MORC2: variants seen among roughly 807,000 people sequenced by gnomAD.
MORC2 encodes the protein ATPase MORC2.
Under a neutral mutation model 136.0 loss-of-function variants are expected in MORC2, and 30 were observed. The observed-to-expected ratio is 0.22, with a 90% CI of 0.17 to 0.30. MORC2 has a LOEUF of 0.30. Ranked by LOEUF, MORC2 falls within the 10% of genes least tolerant of loss-of-function variation. MORC2 has a pLI of 1.00. For missense variants in MORC2, 922 were observed against 1,333.1 expected, an observed-to-expected ratio of 0.69 and a Z score of 4.80; for synonymous variants, 439 against 487.0, an observed-to-expected ratio of 0.90 and a Z score of 1.30.
intron 1 of MORC2, among the ~76,000 whole-genome samples, chr22:30,962,124 G>A (rs2041055551): frequency 6.6e-6 from 1 of 151,842 alleles, no homozygotes; most frequent in Non-Finnish European, 1.5e-5. Context: ...CTTGAACCCG[G>A]GAGGTAGAGG....
At chr22:30,956,685 C>T (rs1048869955) in intron 3 of MORC2, 78 bp downstream of exon 3, 1 of 1,184,132 alleles carries the variant, frequency 8.4e-7, no homozygotes, top group Non-Finnish European at 1.2e-6. Context: ...CCAGTTATTT[C>T]CCACTCAATT....
chr22:30,928,250 G>C, intron 24 of MORC2, 43 bp from the exon 25 acceptor site: 1 of 1,607,394 alleles, frequency 6.2e-7, no homozygotes, highest in Non-Finnish European at 8.5e-7. Context: ...AAGTTCACAG[G>C]GGTCCCCAGG....
At position 30,941,685 on chromosome 22, in the gene MORC2, A is replaced by C; in HGVS notation, c.699-127T>G. ...GTACTGACTTCTGCTGCTGCCCTGA[A>C]CTGGTGCTCCCTTAGTGTGAGCACC... On this transcript the variant is annotated intron_variant, in intron 8 of 25. Transcript: ENST00000397641. This position sits in a 1 kb window ranked among gnomAD's most constrained non-coding sequence, Gnocchi z 4.6. The C allele has an allele frequency of 7.3e-7, 1 of 1,366,228 alleles. No individual in the cohort carries two copies. Among genetic ancestry groups the C allele is most frequent in the African/African-American group, 1.4e-5 (1 of 69,506 alleles). 84.6% of individuals were successfully genotyped at this position (1,366,228 alleles called of 1,614,324 possible).
chr22:30,966,742 C>A (rs957029652), intron 1 of MORC2, among the ~76,000 whole-genome samples: 1 of 152,140 alleles, frequency 6.6e-6, no homozygotes, highest in African/African-American at 2.4e-5. Flanking sequence ...TGCGCCACCC[C>A]ACTCTAGCCT....
At chr22:30,959,645 A>C (rs1476245425) in intron 1 of MORC2, among the ~76,000 whole-genome samples, 2 of 152,232 alleles carry the variant, frequency 1.3e-5, no homozygotes. Context: ...CACCTAAAAA[A>C]AAAACACTTG....
Position 30,937,935 on chromosome 22 carries a change from G to A in MORC2, c.1249C>T (p.Pro417Ser). Residue 417 changes from proline to serine, a missense_variant, in exon 14 of 26, where the codon CCC becomes TCC. By Grantham distance (74) the Pro-to-Ser change is moderately conservative. This residue lies in a region of MORC2 where 16 missense variants were observed against 75.6 expected (regional missense o/e 0.21). Transcript: ENST00000397641. This position sits in a 1 kb window ranked among gnomAD's most constrained non-coding sequence, Gnocchi z 4.7. ...CGGVVGVVDV[P>S]YLVLEPTHNK... ...TGTGTAGGCTCCAGGACCAGGTAGG[G>A]CACATCAACAACCCCAACAACCCCG... 6.2e-7 allele frequency: 1 copy of A among 1,613,946 alleles called. No individual in the cohort carries two copies. Among genetic ancestry groups the A allele is most frequent in the Non-Finnish European group, 8.5e-7 (1 of 1,179,976 alleles).
At chr22:30,940,717 G>A in intron 10 of MORC2, 41 bp downstream of exon 10, 2 of 1,578,376 alleles carry the variant, frequency 1.3e-6, no homozygotes, top group Non-Finnish European at 1.7e-6. Flanking sequence ...GCATACCCCA[G>A]ATGCACACCC....
chr22:30,937,857 T>A lies in MORC2; in HGVS notation c.1327A>T (p.Met443Leu). ...CAATACTGCGCCAGGTGCTCCCCCATTGCTCGGAGCAGGTGCCGGTACTCC... is the reference window on the plus strand; with the variant it reads ...CAATACTGCGCCAGGTGCTCCCCCAATGCTCGGAGCAGGTGCCGGTACTCC... ...AKEYRHLLRAMGEHLAQYWKD... is the reference protein window; with the variant it reads ...AKEYRHLLRALGEHLAQYWKD... The change falls in exon 14 of 26, where the codon ATG becomes TTG. Residue 443 changes from methionine (M) to leucine (L), a missense_variant. Physicochemically the swap from Met to Leu is conservative, Grantham distance 15. Transcript: ENST00000397641. The surrounding 1 kb of genome is among the most constrained non-coding windows in gnomAD (Gnocchi z 4.7). 1 of 1,614,134 alleles carries A rather than the reference T, an allele frequency of 6.2e-7. No individual in the cohort carries two copies. The highest frequency in any genetic ancestry group is 8.5e-7 in the Non-Finnish European group (1 of 1,180,024).
At chr22:30,946,479 C>A (rs373970842) in intron 5 of MORC2, 30 bp from the exon 6 acceptor site, 2 of 1,567,844 alleles carry the variant, frequency 1.3e-6, no homozygotes, top group African/African-American at 1.4e-5. Context: ...GGGTGTTATT[C>A]TCCCAGGAGT....
Position 30,956,235 on chromosome 22 carries a change from A to G in MORC2, c.157+528T>C, listed in dbSNP as rs527921209. On this transcript the variant is annotated intron_variant, in intron 3 of 25. Transcript: ENST00000397641. ...AAGCAAAACGAAATAGGATGTTGAC[A>G]GGTGTAAATTCCAAGCCAAGCAGCC... Among the ~76,000 whole-genome samples the G allele has an allele frequency of 3.3e-5, 5 of 152,320 alleles. 1 individual carries two copies. The highest frequency in any genetic ancestry group is 1.2e-4 in the African/African-American group (5 of 41,572).
intron 21 of MORC2, 91 bp downstream of exon 21, chr22:30,933,373 TGA>T: frequency 1.4e-6 from 2 of 1,402,282 alleles, no homozygotes; most frequent in Non-Finnish European, 2.0e-6. Context: ...ACAGATTCAA[TGA>T]GCCTTTGGTA....
chr22:30,950,231 T>C, intron 4 of MORC2, 146 bp downstream of exon 4: 1 of 784,400 alleles, frequency 1.3e-6, no homozygotes, highest in South Asian at 1.7e-5. Context: ...AAGCCTGAGA[T>C]GTTGCAACAG....
At chr22:30,933,097 A>G (rs2040600167) in intron 21 of MORC2, 67 bp from the exon 22 acceptor site, 3 of 1,594,312 alleles carry the variant, frequency 1.9e-6, no homozygotes, top group Admixed American at 1.7e-5. Flanking sequence ...CCTGGGCCAC[A>G]TCGAGAAAGG....
chr22:30,962,115 T>G (rs953441609), intron 1 of MORC2, among the ~76,000 whole-genome samples: 1 of 151,714 alleles, frequency 6.6e-6, no homozygotes, highest in Non-Finnish European at 1.5e-5. Context: ...GGAGAATCGC[T>G]TGAACCCGGG....
chr22:30,943,205 A>C (rs2040766922), intron 6 of MORC2, among the ~76,000 whole-genome samples: 1 of 152,228 alleles, frequency 6.6e-6, no homozygotes, highest in African/African-American at 2.4e-5. Context: ...AAAAATTCAC[A>C]AATAGGCAAA....
intron 1 of MORC2, among the ~76,000 whole-genome samples, chr22:30,962,217 A>AAAAGAAAG (rs989342630): frequency 9.9e-5 from 15 of 151,642 alleles, no homozygotes; most frequent in Non-Finnish European, 2.1e-4. Flanking sequence ...CAAAAAAAAA[A>AAAAGAAAG]AAAGAAAGAA....
chr22:30,930,887 C>T lies in MORC2; in HGVS notation c.2841+1472G>A, dbSNP rs117524970. On this transcript the variant is annotated intron_variant, in intron 24 of 25. Coordinates refer to ENST00000397641, the MANE Select transcript of MORC2 (RefSeq NM_001303256.3). Reference sequence around the variant, plus strand: ...CGTGCACAATGCACATCACCAGAAACGTAGTGAGGGCACTTCTGGTGCCAC... The same window carrying T: ...CGTGCACAATGCACATCACCAGAAATGTAGTGAGGGCACTTCTGGTGCCAC... Among the ~76,000 whole-genome samples the T allele has an allele frequency of 4.6e-3, 701 of 152,348 alleles. 5 individuals carry two copies. Among genetic ancestry groups the T allele is most frequent in the Non-Finnish European group, 6.5e-3 (445 of 68,028 alleles).
At chr22:30,965,586 A>G (rs768108870) in intron 1 of MORC2, among the ~76,000 whole-genome samples, 6 of 152,204 alleles carry the variant, frequency 3.9e-5, no homozygotes, top group Non-Finnish European at 8.8e-5. Context: ...AAGAAATTCC[A>G]GAGCTTCCAA....
At chr22:30,945,468 T>C (rs960722052) in intron 6 of MORC2, among the ~76,000 whole-genome samples, 48 of 152,194 alleles carry the variant, frequency 3.2e-4, no homozygotes, top group Admixed American at 1.9e-3. Context: ...TCTGTGGAAG[T>C]TGCGGATTTC....
Sources: allele counts gnomAD v4.1 joint callset (sites outside exome capture counted in the v4.1 genomes callset), GRCh38; gene constraint gnomAD v4.1.1; regional missense constraint gnomAD v4.1.1; non-coding constraint Gnocchi (gnomAD v3.1); transcripts MANE v1.5; gene names NCBI Gene and HGNC (gene_info 2026-07-23, HGNC 2026-07-21).